Variants in PCBD2 observed in about 807,000 individuals in gnomAD.
PCBD2 encodes pterin-4-alpha-carbinolamine dehydratase 2.
In PCBD2, 12 loss-of-function variants were observed where a neutral mutation model predicts 16.4. The ratio of observed to expected loss-of-function variants is 0.73; its 90% CI spans 0.47 to 1.19. The LOEUF (loss-of-function observed/expected upper bound fraction) is 1.19. Ranked by LOEUF, PCBD2 falls within the 50% of genes most tolerant of loss-of-function variation. The probability of loss-of-function intolerance (pLI) is 0.00; values close to 1 mark genes in which losing one functional copy is unlikely to be tolerated. For missense variants in PCBD2, 138 were observed against 156.8 expected (o/e 0.88, Z 0.64); for synonymous variants, 58 against 61.8 (o/e 0.94, Z 0.29).
chr5:134,949,712 G>A (rs540070580), intron 2 of PCBD2, among the ~76,000 whole-genome samples: 63 of 152,244 alleles, frequency 4.1e-4, no homozygotes, highest in African/African-American at 1.4e-3. Flanking sequence ...AGTGTTCCAC[G>A]TGAAAGTCTT....
chr5:134,918,158 G>C (rs1162237231), intron 2 of PCBD2, among the ~76,000 whole-genome samples: 1 of 152,192 alleles, frequency 6.6e-6, no homozygotes, highest in Non-Finnish European at 1.5e-5. Flanking sequence ...GTGGAGGATA[G>C]GGAAGCACTC....
chr5:134,947,612 C>T (rs1751311827), intron 2 of PCBD2, among the ~76,000 whole-genome samples: 1 of 151,968 alleles, frequency 6.6e-6, no homozygotes, highest in Non-Finnish European at 1.5e-5. Flanking sequence ...TTGTCTTGAT[C>T]TCCTGACCTT....
At chr5:134,906,469 G>T (rs894729461) in intron 1 of PCBD2, among the ~76,000 whole-genome samples, 2 of 151,874 alleles carry the variant, frequency 1.3e-5, no homozygotes, top group Non-Finnish European at 2.9e-5. Context: ...CTCCCAAAGT[G>T]CTGTAATAGA....
intron 2 of PCBD2, among the ~76,000 whole-genome samples, chr5:134,940,472 A>G (rs1038393131): frequency 1.3e-5 from 2 of 151,792 alleles, no homozygotes; most frequent in African/African-American, 4.8e-5. Context: ...AGGTGGTCAT[A>G]TTTCCTAAGG....
intron 2 of PCBD2, among the ~76,000 whole-genome samples, chr5:134,912,432 C>A (rs1436264041): frequency 1.3e-5 from 2 of 152,118 alleles, no homozygotes; most frequent in Non-Finnish European, 2.9e-5. Flanking sequence ...GAGTGCACAC[C>A]AAAGGGCACC....
At chr5:134,935,997 G>A (rs928148456) in intron 2 of PCBD2, among the ~76,000 whole-genome samples, 1 of 152,138 alleles carries the variant, frequency 6.6e-6, no homozygotes, top group Admixed American at 6.5e-5. Flanking sequence ...CGGCAGCCAA[G>A]AATTATTATG....
intron 2 of PCBD2, among the ~76,000 whole-genome samples, chr5:134,947,912 C>T (rs1198632341): frequency 6.6e-6 from 1 of 152,120 alleles, no homozygotes; most frequent in Non-Finnish European, 1.5e-5. Flanking sequence ...CCTCTCACCT[C>T]ATAAGACTCT....
chr5:134,920,729 C>T (rs969087265), intron 2 of PCBD2, among the ~76,000 whole-genome samples: 1 of 151,290 alleles, frequency 6.6e-6, no homozygotes, highest in Non-Finnish European at 1.5e-5. Context: ...GATCTTGGCT[C>T]ACTGCAACCT....
At chr5:134,934,250 T>C (rs1029019547) in intron 2 of PCBD2, among the ~76,000 whole-genome samples, 1 of 152,124 alleles carries the variant, frequency 6.6e-6, no homozygotes, top group Non-Finnish European at 1.5e-5. Flanking sequence ...CTCAGAATGG[T>C]AATTAATTAC....
intron 2 of PCBD2, among the ~76,000 whole-genome samples, chr5:134,944,684 A>G (rs974950900): frequency 1.3e-5 from 2 of 152,020 alleles, no homozygotes; most frequent in Non-Finnish European, 2.9e-5. Flanking sequence ...TATCTTATAA[A>G]CCCTTGACAT....
Position 134,961,537 on chromosome 5 carries a change from A to G in PCBD2, c.*856A>G, listed in dbSNP as rs1337723066. 6.6e-6 allele frequency among the ~76,000 whole-genome samples: 1 copy of G among 151,738 alleles called. No homozygotes were observed. Among genetic ancestry groups the G allele is most frequent in the Admixed American group, 6.6e-5 (1 of 15,234 alleles). Reference sequence around the variant, plus strand: ...CTGACCTCGTGATCCACCTGCCTCCACCTCCGAAAGTGTTGGGATCACAGG... The same window carrying G: ...CTGACCTCGTGATCCACCTGCCTCCGCCTCCGAAAGTGTTGGGATCACAGG... On this transcript the variant is annotated 3_prime_UTR_variant, in exon 4 of 4. Coordinates refer to ENST00000254908, the MANE Select transcript of PCBD2 (RefSeq NM_032151.5).
chr5:134,926,706 A>T (rs1223045583), intron 2 of PCBD2: 1 of 397,024 alleles, frequency 2.5e-6, no homozygotes, highest in East Asian at 3.6e-5. Context: ...TAGGAGGAGG[A>T]TAGGGGATAG....
chr5:134,920,800 C>T (rs1259486990), intron 2 of PCBD2, among the ~76,000 whole-genome samples: 2 of 152,174 alleles, frequency 1.3e-5, no homozygotes, highest in Non-Finnish European at 2.9e-5. Flanking sequence ...GGATTAGAGG[C>T]ACCTGCCACC....
chr5:134,924,370 G>A lies in PCBD2; in HGVS notation c.216+13904G>A, dbSNP rs1042394492. 4.5e-5 allele frequency: 18 copies of A among 396,514 alleles called. No individual in the cohort carries two copies. The Admixed American group carries it at 7.5e-4, about 17-fold the overall frequency. 24.6% of individuals were successfully genotyped at this position (396,514 alleles called of 1,614,324 possible). On this transcript the variant is annotated intron_variant, in intron 2 of 3. Coordinates refer to ENST00000254908, the MANE Select transcript of PCBD2 (RefSeq NM_032151.5). ...ATTGAGGAGTATCCTGAGGCATGGG[G>A]GTCAGGGGTTGAGGTCTTGGTAAGT... is the stretch of plus-strand genomic sequence containing the variant.
At chr5:134,958,143 A>G (rs1158283246) in intron 2 of PCBD2, among the ~76,000 whole-genome samples, 4 of 152,208 alleles carry the variant, frequency 2.6e-5, no homozygotes, top group Non-Finnish European at 5.9e-5. Flanking sequence ...TTCATGTGCC[A>G]TTACCCTAAG....
chr5:134,937,668 C>T lies in PCBD2; in HGVS notation c.217-21372C>T, dbSNP rs531992250. On this transcript the variant is annotated intron_variant, in intron 2 of 3. Transcript: ENST00000254908. ...GGCCAAAGCTGACCTTTCACATGTG[C>T]TCCGTTCACAGTAGGAATCTCCACT... Among the ~76,000 whole-genome samples the T allele has an allele frequency of 1.6e-4, 24 of 152,310 alleles. No individual in the cohort carries two copies. In the South Asian group the frequency reaches 5.0e-3, roughly 32 times the overall value.
intron 2 of PCBD2, chr5:134,925,049 T>C (rs1750968153): frequency 7.6e-6 from 3 of 395,364 alleles, no homozygotes; most frequent in Non-Finnish European, 1.3e-5. Flanking sequence ...GGGAGAATGC[T>C]GTTGGTGATG....
At position 134,910,310 on chromosome 5, in the gene PCBD2, G is replaced by A. The variant is rs774775285; in HGVS notation, c.85-25G>A. ...GTTTGAGTAAACTTGTACATTTTCA[G>A]ATATGAAATGTGTTCTCTTCATAGT... On this transcript the variant is annotated intron_variant, in intron 1 of 3. Transcript: ENST00000254908. The A allele has an allele frequency of 4.4e-6, 7 of 1,605,024 alleles. No homozygotes were observed. In the African/African-American group the frequency reaches 9.4e-5, roughly 22 times the overall value.
intron 3 of PCBD2, among the ~76,000 whole-genome samples, chr5:134,959,651 A>T (rs1255308358): frequency 6.6e-6 from 1 of 152,096 alleles, no homozygotes; most frequent in Non-Finnish European, 1.5e-5. Flanking sequence ...GCCATTTGAA[A>T]TGTCTTATCA....
Sources: gnomAD v4.1 joint callset for allele counts (sites outside exome capture counted in the v4.1 genomes callset) on GRCh38, gnomAD v4.1.1 for gene constraint, MANE v1.5 for transcripts, NCBI Gene and HGNC (gene_info 2026-07-23, HGNC 2026-07-21) for gene names.